NFS1: variants seen among roughly 807,000 people sequenced by gnomAD.
NFS1 encodes NFS1 cysteine desulfurase.
A neutral mutation model predicts 57.3 loss-of-function variants in NFS1; 26 were observed. The observed-to-expected ratio is 0.45, with a 90% CI of 0.33 to 0.63. The LOEUF is 0.63. Ranked by LOEUF, NFS1 falls within the 20% of genes least tolerant of loss-of-function variation. The pLI, the probability that NFS1 is intolerant of heterozygous loss-of-function variation, is 0.02. For missense variants in NFS1, 505 were observed against 605.8 expected, an observed-to-expected ratio of 0.83 and a Z score of 1.75; for synonymous variants, 209 against 216.3, an observed-to-expected ratio of 0.97 and a Z score of 0.30.
At position 35,697,812 on chromosome 20, in the gene NFS1, A is replaced by G. The variant is rs563664406; in HGVS notation, c.208-12T>C. On this transcript the variant is annotated splice_polypyrimidine_tract_variant and intron_variant, in intron 2 of 12. Coordinates refer to ENST00000374092, the MANE Select transcript of NFS1 (RefSeq NM_021100.5). The stretch of plus-strand genomic sequence containing the variant: ...AGCACCCGGGGGTCCTGAACACAAC[A>G]GAACAGATCATTTTCCTTGAGCGCA... The G allele has an allele frequency of 1.3e-6, 2 of 1,567,416 alleles. No individual in the cohort carries two copies. The highest frequency in any genetic ancestry group is 2.3e-5 in the South Asian group (2 of 88,820).
intron 5 of NFS1, 113 bp downstream of exon 5, chr20:35,690,300 A>C: frequency 9.8e-7 from 1 of 1,016,466 alleles, no homozygotes; most frequent in Non-Finnish European, 1.5e-6. Context: ...TCTAAACTTC[A>C]TCCTAACTGT....
chr20:35,698,496 T>C lies in NFS1; in HGVS notation c.192A>G (p.Gln64=). The change falls in exon 2 of 13, where the codon CAA becomes CAG. Residue 64 remains glutamine, a synonymous_variant. Transcript: ENST00000374092. ...TCATCCTTACCAGAGGAGTTGTAGC[T>C]TGCACATCCATATAGAGAGGTCGCA... ...PVLRPLYMDV[Q]ATTPLDPRVL... is the part of the protein sequence containing the mutation. 1 of 1,611,818 alleles carries C rather than the reference T, an allele frequency of 6.2e-7. No homozygotes were observed.
chr20:35,678,662 C>A (rs1322336149), intron 7 of NFS1, among the ~76,000 whole-genome samples: 2 of 151,990 alleles, frequency 1.3e-5, no homozygotes, highest in Non-Finnish European at 2.9e-5. Context: ...GAGATCACAC[C>A]ACTGCACTCC....
chr20:35,675,007 G>A lies in NFS1; in HGVS notation c.948+38C>T, dbSNP rs572454745. 4.6e-5 allele frequency: 74 copies of A among 1,613,212 alleles called. 1 individual carries two copies. The South Asian group carries it at 7.9e-4, about 17-fold the overall frequency. On this transcript the variant is annotated intron_variant, in intron 8 of 12. Coordinates refer to ENST00000374092, the MANE Select transcript of NFS1 (RefSeq NM_021100.5). ...GCCTCTAAATAGGAGACCCAGCACA[G>A]GGGAAGAAGTTGTGGGAGGGAACTG...
chr20:35,692,566 G>A (rs372645846), intron 4 of NFS1, among the ~76,000 whole-genome samples: 6 of 147,658 alleles, frequency 4.1e-5, no homozygotes, highest in African/African-American at 1.5e-4. Context: ...AAATTAGCCT[G>A]GCGTGGTGGT....
intron 7 of NFS1, among the ~76,000 whole-genome samples, chr20:35,677,097 C>A (rs909590052): frequency 6.6e-6 from 1 of 152,184 alleles, no homozygotes; most frequent in East Asian, 1.9e-4. Flanking sequence ...AAATTCCTGG[C>A]CTCATGATCT....
At position 35,669,593 on chromosome 20, in the gene NFS1, G is replaced by T; in HGVS notation, c.*29C>A. 6.2e-7 allele frequency: 1 copy of T among 1,609,092 alleles called. No homozygotes were observed. Among genetic ancestry groups the T allele is most frequent in the South Asian group, 1.1e-5 (1 of 90,970 alleles). ...CGGGTTGGTGAGGCAGGAGGGGCCA[G>T]ACCAGCACAAAGTCAGGGCCCTATT... On this transcript the variant is annotated 3_prime_UTR_variant, in exon 13 of 13. Coordinates refer to ENST00000374092, the MANE Select transcript of NFS1 (RefSeq NM_021100.5).
intron 12 of NFS1, among the ~76,000 whole-genome samples, chr20:35,670,541 C>T (rs1172146025): frequency 2.0e-5 from 3 of 152,206 alleles, no homozygotes; most frequent in Non-Finnish European, 4.4e-5. Flanking sequence ...CCTTTCTATT[C>T]ATGAGATTTT....
At chr20:35,695,271 G>C (rs2035114126) in intron 4 of NFS1, among the ~76,000 whole-genome samples, 1 of 152,168 alleles carries the variant, frequency 6.6e-6, no homozygotes, top group Non-Finnish European at 1.5e-5. Flanking sequence ...AACATGATCA[G>C]GCAGAGTGCT....
chr20:35,689,929 C>CAAAAA (rs779636716), intron 5 of NFS1, among the ~76,000 whole-genome samples: 5 of 70,962 alleles, frequency 7.0e-5, no homozygotes, highest in African/African-American at 2.9e-4. Flanking sequence ...GACTCTGCCT[C>CAAAAA]AAAAAAAAAA....
intron 7 of NFS1, among the ~76,000 whole-genome samples, chr20:35,677,097 C>T (rs909590052): frequency 2.0e-5 from 3 of 152,184 alleles, no homozygotes; most frequent in Non-Finnish European, 4.4e-5. Flanking sequence ...AAATTCCTGG[C>T]CTCATGATCT....
intron 7 of NFS1, among the ~76,000 whole-genome samples, chr20:35,680,348 A>C (rs1176370531): frequency 6.6e-6 from 1 of 152,104 alleles, no homozygotes; most frequent in Non-Finnish European, 1.5e-5. Context: ...ATCCCATGCA[A>C]TCTTCCCCTG....
intron 5 of NFS1, among the ~76,000 whole-genome samples, chr20:35,689,121 G>A (rs2034995907): frequency 6.6e-6 from 1 of 152,208 alleles, no homozygotes; most frequent in Non-Finnish European, 1.5e-5. Flanking sequence ...CATGGTGAAT[G>A]TGAGTCCCTG....
chr20:35,699,022 G>T lies in NFS1; in HGVS notation c.97+170C>A. ...GCAGGGTGCGAGGGGTGGTGCGCCG[G>T]GGTCAACCGTTCGGGGACCCGCCTA... On this transcript the variant is annotated intron_variant, in intron 1 of 12. Coordinates refer to ENST00000374092, the MANE Select transcript of NFS1 (RefSeq NM_021100.5). This position sits in a 1 kb window ranked among gnomAD's most constrained non-coding sequence, Gnocchi z 4.4. 7.5e-6 allele frequency: 10 copies of T among 1,326,874 alleles called. No individual in the cohort carries two copies. Among genetic ancestry groups the T allele is most frequent in the Non-Finnish European group, 9.6e-6 (10 of 1,042,022 alleles). 82.2% of individuals were successfully genotyped at this position (1,326,874 alleles called of 1,614,324 possible).
intron 12 of NFS1, among the ~76,000 whole-genome samples, chr20:35,671,064 G>C (rs2146408923): frequency 6.6e-6 from 1 of 152,258 alleles, no homozygotes; most frequent in South Asian, 2.1e-4. Flanking sequence ...GGAAGCCCTG[G>C]TGCCAGCTGA....
chr20:35,682,672 C>A (rs576718526), intron 5 of NFS1: 20 of 152,464 alleles, frequency 1.3e-4, no homozygotes, highest in African/African-American at 4.8e-4. Flanking sequence ...ACCTGTAGCC[C>A]CAGCCACTTC....
intron 12 of NFS1, 140 bp downstream of exon 12, chr20:35,672,615 C>G (rs1427364708): frequency 8.9e-6 from 6 of 673,614 alleles, no homozygotes; most frequent in African/African-American, 5.4e-5. Flanking sequence ...GATCTACTTT[C>G]TTGCTTTGTG....
rs761481451 is a variant in NFS1, at chr20:35,674,522, G to A, written c.1044C>T (p.His348=). ...AGAGCAAGTCCATACCGGGATAATG[G>A]TGCTTAGGGTCCCCATTCATCACCA... is the stretch of plus-strand genomic sequence containing the variant. ...PDVVMNGDPK[H]HYPGCINLSF... The change falls in exon 9 of 13, where the codon CAC becomes CAT. Residue 348 remains histidine (H), a synonymous_variant. Transcript: ENST00000374092. 1.2e-6 allele frequency: 2 copies of A among 1,613,952 alleles called. No homozygotes were observed. The highest frequency in any genetic ancestry group is 1.7e-6 in the Non-Finnish European group (2 of 1,179,806).
intron 4 of NFS1, 121 bp downstream of exon 4, chr20:35,696,256 T>C (rs2035132379): frequency 2.8e-6 from 2 of 718,620 alleles, no homozygotes; most frequent in Admixed American, 4.1e-5. Context: ...CTGCAAGCCT[T>C]CTCTTCACAA....
Sources: allele counts gnomAD v4.1 joint callset (sites outside exome capture counted in the v4.1 genomes callset), GRCh38; gene constraint gnomAD v4.1.1; non-coding constraint Gnocchi (gnomAD v3.1); transcripts MANE v1.5; gene names NCBI Gene and HGNC (gene_info 2026-07-23, HGNC 2026-07-21).